Variants in ANKDD1A observed in about 807,000 individuals in gnomAD.
ANKDD1A encodes ankyrin repeat and death domain containing 1A.
Under a neutral mutation model 63.5 loss-of-function variants are expected in ANKDD1A, and 59 were observed. That is an observed-to-expected ratio of 0.93 (90% CI 0.75 to 1.15). ANKDD1A has a LOEUF of 1.15. Among genes scored for constraint, ANKDD1A ranks in the 50% most tolerant of loss-of-function variants. ANKDD1A has a pLI of 0.00. For missense variants in ANKDD1A, 632 were observed against 656.4 expected, an observed-to-expected ratio of 0.96 and a Z score of 0.41; for synonymous variants, 266 against 263.9, an observed-to-expected ratio of 1.01 and a Z score of -0.08.
chr15:64,931,360 G>A (rs2085089391), intron 7 of ANKDD1A, 127 bp from the exon 8 acceptor site: 1 of 772,090 alleles, frequency 1.3e-6, no homozygotes, highest in African/African-American at 1.7e-5. Context: ...GTTCCCAGGG[G>A]CAGGGCAGTG....
chr15:64,943,329 A>T (rs1214296370), intron 10 of ANKDD1A, 155 bp from the exon 11 acceptor site: 6 of 675,032 alleles, frequency 8.9e-6, no homozygotes, highest in Non-Finnish European at 1.6e-5. Flanking sequence ...TACATATAAG[A>T]TGATCTCATG....
At chr15:64,953,439 CCTTTT>C (rs1226523909) in intron 14 of ANKDD1A, among the ~76,000 whole-genome samples, 2 of 136,710 alleles carry the variant, frequency 1.5e-5, no homozygotes, top group African/African-American at 5.4e-5. Context: ...CCTCCTCCTT[CCTTTT>C]CTTCTTTCTT....
Position 64,947,414 on chromosome 15 carries a change from G to C in ANKDD1A, c.1172G>C (p.Ser391Thr). ...RFYRWEKDHPSDPSGKSLSFK... is the reference protein window; with the variant it reads ...RFYRWEKDHPTDPSGKSLSFK... ...GGATCTGCCCCACAGGACCACCCCAGTGATCCCTCTGGGAAGAGCTTGTCC... is the reference window on the plus strand; with the variant it reads ...GGATCTGCCCCACAGGACCACCCCACTGATCCCTCTGGGAAGAGCTTGTCC... Residue 391 changes from serine (S) to threonine (T), a missense_variant, in exon 13 of 15, where the codon AGT becomes ACT. Coordinates refer to ENST00000319580, the MANE Select transcript of ANKDD1A (RefSeq NM_182703.6). The C allele has an allele frequency of 6.2e-7, 1 of 1,612,836 alleles. No individual in the cohort carries two copies. Among genetic ancestry groups the C allele is most frequent in the Non-Finnish European group, 8.5e-7 (1 of 1,178,976 alleles).
chr15:64,954,749 T>TTCTA (rs1566919155), intron 14 of ANKDD1A, among the ~76,000 whole-genome samples: 1 of 125,216 alleles, frequency 8.0e-6, no homozygotes, highest in Admixed American at 7.7e-5. Context: ...TTCTCCTTCT[T>TTCTA]CTTTCTTTTT....
At chr15:64,934,760 G>A (rs1022987613) in intron 9 of ANKDD1A, among the ~76,000 whole-genome samples, 10 of 149,552 alleles carry the variant, frequency 6.7e-5, no homozygotes, top group East Asian at 5.9e-4. Context: ...CAAGTGATTC[G>A]CCAGCCTCAG....
chr15:64,945,298 T>G (rs1388578518), intron 12 of ANKDD1A, among the ~76,000 whole-genome samples: 1 of 152,112 alleles, frequency 6.6e-6, no homozygotes, highest in Non-Finnish European at 1.5e-5. Flanking sequence ...TACTTCAGTT[T>G]TCAAAGTTAA....
At chr15:64,938,276 A>T (rs148200199) in intron 9 of ANKDD1A, among the ~76,000 whole-genome samples, 10 of 152,226 alleles carry the variant, frequency 6.6e-5, no homozygotes, top group Admixed American at 1.3e-4. Context: ...CAGAAAGTGC[A>T]GTACGGGAAG....
At chr15:64,954,843 CT>C (rs2085399125) in intron 14 of ANKDD1A, among the ~76,000 whole-genome samples, 1 of 120,576 alleles carries the variant, frequency 8.3e-6, no homozygotes, top group Non-Finnish European at 1.7e-5. Context: ...GTTCTTTCTT[CT>C]TCCTTCTTCT....
At position 64,957,355 on chromosome 15, in the gene ANKDD1A, T is replaced by C. The variant is rs2085426887; in HGVS notation, c.*167T>C. On this transcript the variant is annotated 3_prime_UTR_variant, in exon 15 of 15. Coordinates refer to ENST00000319580, the MANE Select transcript of ANKDD1A (RefSeq NM_182703.6). ...GAATACTTTCTGTGTTTTTATCTTA[T>C]ACACATGAATAAATGCTATGGCTTA... 1 of 215,400 alleles carries C rather than the reference T, an allele frequency of 4.6e-6. No individual in the cohort carries two copies. Among genetic ancestry groups the C allele is most frequent in the African/African-American group, 2.4e-5 (1 of 41,844 alleles). 13.3% of individuals were successfully genotyped at this position (215,400 alleles called of 1,614,324 possible).
chr15:64,951,730 C>CTTTCCTTTTA (rs2085285003), intron 14 of ANKDD1A, among the ~76,000 whole-genome samples: 1 of 4,912 alleles, frequency 2.0e-4, no homozygotes, highest in Non-Finnish European at 1.4e-3. Context: ...CCCTTTTCTT[C>CTTTCCTTTTA]TTTCCTCCTT....
At chr15:64,953,798 CTTCCTTTTTT>C (rs2085359551) in intron 14 of ANKDD1A, among the ~76,000 whole-genome samples, 1 of 119,444 alleles carries the variant, frequency 8.4e-6, no homozygotes, top group Non-Finnish European at 1.7e-5. Context: ...CTGCTTTCTT[CTTCCTTTTTT>C]TCTTCTTCCT....
Position 64,926,124 on chromosome 15 carries a change from T to C in ANKDD1A, c.425T>C (p.Phe142Ser), listed in dbSNP as rs767366177. Residue 142 changes from phenylalanine (F) to serine (S), a missense_variant, in exon 5 of 15, where the codon TTC (phenylalanine) becomes TCC (serine). By Grantham distance (155) the Phe-to-Ser change is radical (BLOSUM62 -2). Transcript: ENST00000319580. ...AAAGGCCATGTGCCTGTGCTGGCGT[T>C]CATAATGGAGGACCTGGAGGATGTG... ...AQKGHVPVLA[F>S]IMEDLEDVAL... The C allele has an allele frequency of 2.4e-5, 38 of 1,613,946 alleles. No homozygotes were observed. Among genetic ancestry groups the C allele is most frequent in the Non-Finnish European group, 3.2e-5 (38 of 1,179,994 alleles).
intron 14 of ANKDD1A, among the ~76,000 whole-genome samples, chr15:64,956,484 CAG>C (rs891120536): frequency 3.2e-4 from 49 of 152,112 alleles, no homozygotes; most frequent in African/African-American, 1.2e-3. Flanking sequence ...ACCCGGGAGA[CAG>C]AGCTTGCAGT....
At chr15:64,930,789 C>A in intron 6 of ANKDD1A, 33 bp from the exon 7 acceptor site, 1 of 1,594,488 alleles carries the variant, frequency 6.3e-7, no homozygotes, top group South Asian at 1.1e-5. Flanking sequence ...ACTCTCTGGT[C>A]TGCTGGCCTC....
intron 14 of ANKDD1A, among the ~76,000 whole-genome samples, chr15:64,952,337 C>CCTTCTTCTTCCTTCTCCTT (rs371665011): frequency 7.1e-6 from 1 of 141,418 alleles, no homozygotes; most frequent in African/African-American, 2.7e-5. Context: ...TCTTCCTTCT[C>CCTTCTTCTTCCTTCTCCTT]CTTCTTCTTA....
intron 2 of ANKDD1A, among the ~76,000 whole-genome samples, chr15:64,916,470 C>T (rs556954042): frequency 2.0e-5 from 3 of 152,002 alleles, no homozygotes; most frequent in African/African-American, 4.8e-5. Flanking sequence ...AGACTACAGG[C>T]GTGTGCCACC....
chr15:64,951,299 C>CTTCTTTTCTTCTCTTCTTTT (rs199955710), intron 14 of ANKDD1A: 2 of 850,286 alleles, frequency 2.4e-6, no homozygotes, highest in African/African-American at 3.8e-5. Flanking sequence ...TCTTCTTCTT[C>CTTCTTTTCTTCTCTTCTTTT]TTCTTCTCTT....
intron 5 of ANKDD1A, 39 bp from the exon 6 acceptor site, chr15:64,926,862 A>G (rs758001334): frequency 2.2e-5 from 35 of 1,609,532 alleles, no homozygotes; most frequent in Non-Finnish European, 2.6e-5. Context: ...GCCCACTGAC[A>G]GAGTGAGGAA....
At chr15:64,945,281 T>G (rs2085213596) in intron 12 of ANKDD1A, among the ~76,000 whole-genome samples, 1 of 152,068 alleles carries the variant, frequency 6.6e-6, no homozygotes, top group Admixed American at 6.6e-5. Flanking sequence ...GAAGATAATT[T>G]TGCATTTACT....
Sources: gnomAD v4.1 joint callset for allele counts (sites outside exome capture counted in the v4.1 genomes callset) on GRCh38, gnomAD v4.1.1 for gene constraint, MANE v1.5 for transcripts, NCBI Gene and HGNC (gene_info 2026-07-23, HGNC 2026-07-21) for gene names.